The following TCERG1 variants were observed in gnomAD, a reference collection of about 807,000 sequenced individuals.
The protein encoded by TCERG1 is transcription elongation regulator 1, also known as TATA box binding protein (TBP)-associated factor, RNA polymerase II, S, 150kD.
A neutral mutation model predicts 144.7 loss-of-function variants in TCERG1; 37 were observed. The observed-to-expected ratio is 0.26, with a 90% CI of 0.20 to 0.34. The LOEUF (loss-of-function observed/expected upper bound fraction) is 0.34. Among genes scored for constraint, TCERG1 ranks in the 10% least tolerant of loss-of-function variants. TCERG1 has a pLI of 1.00. For missense variants in TCERG1, 1,027 were observed against 1,380.7 expected, an observed-to-expected ratio of 0.74 and a Z score of 4.06; for synonymous variants, 492 against 458.2, an observed-to-expected ratio of 1.07 and a Z score of -0.94.
intron 2 of TCERG1, among the ~76,000 whole-genome samples, chr5:146,456,071 T>C (rs1762809791): frequency 6.6e-6 from 1 of 152,208 alleles, no homozygotes; most frequent in Non-Finnish European, 1.5e-5. Flanking sequence ...GAATGAATTA[T>C]ACTAAAAATG....
intron 1 of TCERG1, among the ~76,000 whole-genome samples, chr5:146,450,956 A>G (rs1179095018): frequency 6.6e-6 from 1 of 152,244 alleles, no homozygotes; most frequent in Non-Finnish European, 1.5e-5. Context: ...ACTCATTCAC[A>G]TCTGAGGAAA....
chr5:146,502,111 G>A (rs1767528713), intron 17 of TCERG1, among the ~76,000 whole-genome samples: 1 of 151,972 alleles, frequency 6.6e-6, no homozygotes, highest in African/African-American at 2.4e-5. Flanking sequence ...GGTCAGGCTG[G>A]TCTCGAACTC....
chr5:146,474,189 T>G (rs1249407236), intron 9 of TCERG1, among the ~76,000 whole-genome samples: 1 of 152,174 alleles, frequency 6.6e-6, no homozygotes, highest in Non-Finnish European at 1.5e-5. Flanking sequence ...GATATTAACA[T>G]TAACAGGAGT....
chr5:146,478,925 G>A (rs1253844779), intron 10 of TCERG1, among the ~76,000 whole-genome samples: 1 of 152,054 alleles, frequency 6.6e-6, no homozygotes, highest in African/African-American at 2.4e-5. Context: ...TGGTAGTGTT[G>A]CTGCTTGCTT....
chr5:146,509,191 C>G lies in TCERG1; in HGVS notation c.3092C>G (p.Thr1031Arg). 1 of 1,608,024 alleles carries G rather than the reference C, an allele frequency of 6.2e-7. No homozygotes were observed. The highest frequency in any genetic ancestry group is 8.5e-7 in the Non-Finnish European group (1 of 1,177,878). The part of the protein sequence containing the change: ...FEEYIRDKYI[T>R]AKADFRTLLK... Reference sequence around the variant, plus strand: ...GAATATATCAGAGACAAATATATCACAGCCAAAGCTGACTTCAGGACGCTT... The same window carrying G: ...GAATATATCAGAGACAAATATATCAGAGCCAAAGCTGACTTCAGGACGCTT... Residue 1031 changes from threonine to arginine, a missense_variant, in exon 22 of 23, where the codon ACA becomes AGA. By Grantham distance (71) the Thr-to-Arg change is moderately conservative (BLOSUM62 -1). Around this residue, in one of 6 missense-constraint regions of TCERG1, gnomAD observed 133 missense variants for 283.2 expected, o/e 0.47. Transcript: ENST00000679501.
At chr5:146,449,946 A>G (rs74357243) in intron 1 of TCERG1, among the ~76,000 whole-genome samples, 2 of 152,030 alleles carry the variant, frequency 1.3e-5, no homozygotes, top group Non-Finnish European at 2.9e-5. Flanking sequence ...CCTTAAGAAA[A>G]TATTTTTCTG....
At chr5:146,458,333 C>G (rs982380406) in intron 3 of TCERG1, among the ~76,000 whole-genome samples, 1 of 151,492 alleles carries the variant, frequency 6.6e-6, no homozygotes, top group Non-Finnish European at 1.5e-5. Flanking sequence ...CCTGCCATCA[C>G]GTCTAGCTAA....
At chr5:146,463,888 A>T in intron 5 of TCERG1, 95 bp downstream of exon 5, 1 of 1,534,218 alleles carries the variant, frequency 6.5e-7, no homozygotes, top group Non-Finnish European at 8.9e-7. Flanking sequence ...ATTTGCCTTG[A>T]ATCTCACCTG....
chr5:146,451,405 C>A (rs1319636982), intron 1 of TCERG1, among the ~76,000 whole-genome samples: 2 of 151,570 alleles, frequency 1.3e-5, no homozygotes, highest in African/African-American at 4.9e-5. Flanking sequence ...TTACTGCAGC[C>A]TCCACCTGTC....
At chr5:146,447,884 A>T (rs531613694) in intron 1 of TCERG1, among the ~76,000 whole-genome samples, 82 of 152,320 alleles carry the variant, frequency 5.4e-4, no homozygotes, top group African/African-American at 1.9e-3. Flanking sequence ...TGGGCTCCCC[A>T]CGTTTGCCCT....
At chr5:146,468,097 C>T (rs1763948617) in intron 5 of TCERG1, among the ~76,000 whole-genome samples, 3 of 152,040 alleles carry the variant, frequency 2.0e-5, no homozygotes, top group Non-Finnish European at 4.4e-5. Flanking sequence ...TCTTAAGACT[C>T]CTTCAATATG....
intron 17 of TCERG1, among the ~76,000 whole-genome samples, chr5:146,502,404 G>T (rs1767566795): frequency 6.6e-6 from 1 of 152,108 alleles, no homozygotes; most frequent in Non-Finnish European, 1.5e-5. Flanking sequence ...GTTACCTTGG[G>T]TATCTTCTAT....
intron 3 of TCERG1, 80 bp from the exon 4 acceptor site, chr5:146,458,804 A>C (rs1763058980): frequency 6.6e-7 from 1 of 1,516,752 alleles, no homozygotes; most frequent in South Asian, 1.3e-5. Flanking sequence ...ATAGCTTTAA[A>C]GATAAAATAT....
At chr5:146,454,314 G>A (rs1561631359) in intron 1 of TCERG1, among the ~76,000 whole-genome samples, 1 of 152,212 alleles carries the variant, frequency 6.6e-6, no homozygotes, top group Admixed American at 6.5e-5. Context: ...AGGTGATGTC[G>A]TGTCTCTCTC....
chr5:146,509,059 A>T (rs574450784), intron 21 of TCERG1, 86 bp from the exon 22 acceptor site: 2 of 681,426 alleles, frequency 2.9e-6, no homozygotes, highest in Admixed American at 6.2e-5. Flanking sequence ...TGACTTACAC[A>T]TTACTGTTTA....
At chr5:146,465,092 T>C (rs923506044) in intron 5 of TCERG1, among the ~76,000 whole-genome samples, 3 of 152,214 alleles carry the variant, frequency 2.0e-5, no homozygotes, top group Non-Finnish European at 2.9e-5. Context: ...ATCCCTTTTC[T>C]AGATTAAATT....
At chr5:146,483,050 T>G (rs535695813) in intron 14 of TCERG1, among the ~76,000 whole-genome samples, 73 of 152,318 alleles carry the variant, frequency 4.8e-4, no homozygotes, top group Non-Finnish European at 9.7e-4. Context: ...ATGATTATTC[T>G]TCCTTTAATA....
chr5:146,465,471 T>C (rs900859868), intron 5 of TCERG1, among the ~76,000 whole-genome samples: 1 of 152,212 alleles, frequency 6.6e-6, no homozygotes, highest in African/African-American at 2.4e-5. Flanking sequence ...CCTCTGGCTC[T>C]AGCTTCATTT....
At chr5:146,482,777 T>A (rs748871209) in intron 14 of TCERG1, 50 bp downstream of exon 14, 1 of 1,515,696 alleles carries the variant, frequency 6.6e-7, no homozygotes, top group East Asian at 2.4e-5. Flanking sequence ...ATAAGTAATA[T>A]AAATATGTCT....
Sources: gnomAD v4.1 joint callset for allele counts (sites outside exome capture counted in the v4.1 genomes callset) on GRCh38, gnomAD v4.1.1 for gene constraint, gnomAD v4.1.1 regional missense constraint, MANE v1.5 for transcripts, NCBI Gene and HGNC (gene_info 2026-07-23, HGNC 2026-07-21) for gene names.